The following CAMTA1 variants were observed in gnomAD, a reference collection of about 807,000 sequenced individuals.
CAMTA1 encodes the protein calmodulin-binding transcription activator 1.
In CAMTA1, 27 loss-of-function variants were observed where a neutral mutation model predicts 170.9. The ratio of observed to expected loss-of-function variants is 0.16; its 90% CI spans 0.12 to 0.22. CAMTA1 has a LOEUF of 0.22. Among genes scored for constraint, CAMTA1 ranks in the 10% least tolerant of loss-of-function variants. The probability of loss-of-function intolerance (pLI) is 1.00; values close to 1 mark genes in which losing one functional copy is unlikely to be tolerated. For synonymous variants in CAMTA1, 833 were observed against 891.5 expected (o/e 0.93, Z 1.17); for missense variants, 1,619 against 2,217.2 (o/e 0.73, Z 5.42).
chr1:7,468,139 G>C (rs1328974124), intron 6 of CAMTA1, among the ~76,000 whole-genome samples: 1 of 152,208 alleles, frequency 6.6e-6, no homozygotes, highest in African/African-American at 2.4e-5. Context: ...ACCCACTGAT[G>C]GGAAATAAAC....
chr1:7,583,059 A>G (rs984362660), intron 6 of CAMTA1, among the ~76,000 whole-genome samples: 1 of 152,116 alleles, frequency 6.6e-6, no homozygotes, highest in South Asian at 2.1e-4. Flanking sequence ...TCAGCTAAGA[A>G]GGACCAGAAG....
intron 7 of CAMTA1, among the ~76,000 whole-genome samples, chr1:7,648,402 AAAAG>A (rs1258967754): frequency 6.6e-6 from 1 of 152,000 alleles, no homozygotes; most frequent in Non-Finnish European, 1.5e-5. Context: ...AAAAAAAAAA[AAAAG>A]AGAGAGAGAA....
chr1:7,458,457 GAA>G (rs1235139680), intron 5 of CAMTA1, among the ~76,000 whole-genome samples: 1 of 152,180 alleles, frequency 6.6e-6, no homozygotes, highest in Non-Finnish European at 1.5e-5. Flanking sequence ...CACTATGGCA[GAA>G]AGAGTGATTT....
At chr1:7,398,026 A>T (rs1298190944) in intron 5 of CAMTA1, among the ~76,000 whole-genome samples, 2 of 150,920 alleles carry the variant, frequency 1.3e-5, no homozygotes, top group Non-Finnish European at 3.0e-5. Flanking sequence ...TTTAAATATA[A>T]TGTTTCTATG....
At chr1:7,193,654 G>A (rs1465495859) in intron 4 of CAMTA1, among the ~76,000 whole-genome samples, 3 of 152,248 alleles carry the variant, frequency 2.0e-5, no homozygotes, top group Non-Finnish European at 4.4e-5. Context: ...TGCAGAAGGG[G>A]GTGCGGAAGC....
At chr1:6,867,659 A>G (rs1372448158) in intron 3 of CAMTA1, among the ~76,000 whole-genome samples, 1 of 152,234 alleles carries the variant, frequency 6.6e-6, no homozygotes, top group African/African-American at 2.4e-5. Context: ...AAATGGTAAT[A>G]AAAATGTAAT....
At chr1:6,904,067 C>G (rs1023427229) in intron 3 of CAMTA1, among the ~76,000 whole-genome samples, 6 of 152,252 alleles carry the variant, frequency 3.9e-5, no homozygotes, top group Non-Finnish European at 8.8e-5. Flanking sequence ...CTGCCATTCT[C>G]ATTTTGTGTA....
Position 6,939,904 on chromosome 1 carries a change from C to T in CAMTA1, c.234+114694C>T, listed in dbSNP as rs571546327. Among the ~76,000 whole-genome samples, 46 of 152,260 alleles carry T rather than the reference C, an allele frequency of 3.0e-4. 1 individual carries two copies. Among genetic ancestry groups the T allele is most frequent in the Admixed American group, 1.2e-3 (18 of 15,292 alleles). ...GCACCCCAAGCAACTGGGCGAGTGC[C>T]GGGCACAGAGCAGGCATGAGCAGAT... On this transcript the variant is annotated intron_variant, in intron 3 of 22. Transcript: ENST00000303635.
chr1:6,860,571 C>G (rs907218658), intron 3 of CAMTA1, among the ~76,000 whole-genome samples: 1 of 151,998 alleles, frequency 6.6e-6, no homozygotes, highest in African/African-American at 2.4e-5. Context: ...TTTTGTCATT[C>G]TAACATATTG....
At chr1:7,601,399 C>T (rs1202811975) in intron 6 of CAMTA1, among the ~76,000 whole-genome samples, 5 of 151,040 alleles carry the variant, frequency 3.3e-5, no homozygotes, top group African/African-American at 7.3e-5. Flanking sequence ...CTGGCAGAGA[C>T]GCTCCTCACT....
Position 7,565,729 on chromosome 1 carries a change from G to A in CAMTA1, c.511-74671G>A, listed in dbSNP as rs763900334. On this transcript the variant is annotated intron_variant, in intron 6 of 22. Coordinates refer to ENST00000303635, the MANE Select transcript of CAMTA1 (RefSeq NM_015215.4). This position sits in a 1 kb window ranked among gnomAD's most constrained non-coding sequence, Gnocchi z 4.5. ...GGGGCTGTTTTATGTTGTTTGTTTT[G>A]TCCTCGTGTCTTAGTCTACTCAGGC... 8.5e-5 allele frequency among the ~76,000 whole-genome samples: 13 copies of A among 152,098 alleles called. No homozygotes were observed. The highest frequency in any genetic ancestry group is 1.5e-4 in the Non-Finnish European group (10 of 68,012).
intron 3 of CAMTA1, among the ~76,000 whole-genome samples, chr1:6,833,158 G>C (rs938628000): frequency 4.6e-5 from 7 of 152,196 alleles, no homozygotes. Context: ...TGCACCCTCA[G>C]AGTACAGCAA....
chr1:7,508,119 G>A (rs777579995), intron 6 of CAMTA1, among the ~76,000 whole-genome samples: 7 of 152,262 alleles, frequency 4.6e-5, no homozygotes, highest in Non-Finnish European at 7.3e-5. Context: ...AAGTGGTGCT[G>A]TTGTCACATT....
At position 7,224,111 on chromosome 1, in the gene CAMTA1, C is replaced by T. The variant is rs916845814; in HGVS notation, c.303-25380C>T. 2.6e-5 allele frequency among the ~76,000 whole-genome samples: 4 copies of T among 152,194 alleles called. No individual in the cohort carries two copies. Among genetic ancestry groups the T allele is most frequent in the African/African-American group, 4.8e-5 (2 of 41,446 alleles). ...TTGTATAAAGGATGGGGCACCTTAA[C>T]GTTTGTAGCACCTTTACATAAAGCC... On this transcript the variant is annotated intron_variant, in intron 4 of 22. Transcript: ENST00000303635. This position sits in a 1 kb window ranked among gnomAD's most constrained non-coding sequence, Gnocchi z 5.2.
intron 5 of CAMTA1, among the ~76,000 whole-genome samples, chr1:7,464,260 C>T (rs11808172): frequency 0.013 from 1,967 of 152,268 alleles, 31 homozygotes; most frequent in African/African-American, 0.039. Context: ...GCACCTCACA[C>T]GCGGATTTAT....
chr1:6,927,646 C>G (rs1683582108), intron 3 of CAMTA1, among the ~76,000 whole-genome samples: 1 of 152,224 alleles, frequency 6.6e-6, no homozygotes, highest in Non-Finnish European at 1.5e-5. Context: ...GAAACCCCAG[C>G]TTTACCATGG....
At chr1:7,538,303 C>CTT (rs1383501940) in intron 6 of CAMTA1, among the ~76,000 whole-genome samples, 6 of 152,124 alleles carry the variant, frequency 3.9e-5, no homozygotes, top group African/African-American at 1.4e-4. Flanking sequence ...CAGGCCAGGT[C>CTT]ACAGGCTGTC....
chr1:7,660,583 C>T (rs1486839548), intron 7 of CAMTA1, among the ~76,000 whole-genome samples: 2 of 152,110 alleles, frequency 1.3e-5, no homozygotes, highest in South Asian at 2.1e-4. Context: ...ATGTCTGAAC[C>T]GAGCCAGCTC....
intron 6 of CAMTA1, among the ~76,000 whole-genome samples, chr1:7,618,385 C>T (rs2095574408): frequency 6.6e-6 from 1 of 152,204 alleles, no homozygotes. Flanking sequence ...CCTCTTTTCC[C>T]AATTCTATGC....
Sources: allele counts gnomAD v4.1 joint callset (sites outside exome capture counted in the v4.1 genomes callset), GRCh38; gene constraint gnomAD v4.1.1; non-coding constraint Gnocchi (gnomAD v3.1); transcripts MANE v1.5; gene names NCBI Gene and HGNC (gene_info 2026-07-23, HGNC 2026-07-21).